GXYLT2: variants seen among roughly 807,000 people sequenced by gnomAD.
GXYLT2 encodes the protein glucoside xylosyltransferase 2, also known as glycosyltransferase 8 domain containing 4.
In GXYLT2, 53 loss-of-function variants were observed where a neutral mutation model predicts 45.8. The ratio of observed to expected loss-of-function variants is 1.16; its 90% CI spans 0.93 to 1.46. The LOEUF (loss-of-function observed/expected upper bound fraction) is 1.46. Among genes scored for constraint, GXYLT2 ranks in the 40% most tolerant of loss-of-function variants. The pLI, the probability that GXYLT2 is intolerant of heterozygous loss-of-function variation, is 0.00. For missense variants in GXYLT2, 551 were observed against 544.4 expected (o/e 1.01, Z -0.12); for synonymous variants, 219 against 214.2 (o/e 1.02, Z -0.19).
chr3:72,970,491 T>A (rs1710966857), intron 6 of GXYLT2, among the ~76,000 whole-genome samples: 1 of 149,364 alleles, frequency 6.7e-6, no homozygotes, highest in Non-Finnish European at 1.5e-5. Flanking sequence ...AAAAACAAAT[T>A]AAAAAAAAGA....
chr3:72,915,354 T>TTTTTTG (rs71126805), intron 2 of GXYLT2, among the ~76,000 whole-genome samples: 1 of 33,482 alleles, frequency 3.0e-5, no homozygotes, highest in Non-Finnish European at 5.1e-5. Flanking sequence ...TTTTTTTTTT[T>TTTTTTG]GCGGGGGGGG....
At chr3:72,914,570 T>C (rs1320596755) in intron 2 of GXYLT2, among the ~76,000 whole-genome samples, 1 of 151,936 alleles carries the variant, frequency 6.6e-6, no homozygotes, top group Non-Finnish European at 1.5e-5. Context: ...TGCGTGCGCA[T>C]GTATATGCGC....
At chr3:72,901,598 T>G (rs1470066136) in intron 1 of GXYLT2, among the ~76,000 whole-genome samples, 2 of 127,732 alleles carry the variant, frequency 1.6e-5, no homozygotes, top group Non-Finnish European at 3.2e-5. Context: ...TCTCACTCTG[T>G]CGCCCAGGCT....
intron 1 of GXYLT2, among the ~76,000 whole-genome samples, chr3:72,905,495 A>T (rs1709493866): frequency 6.6e-6 from 1 of 152,142 alleles, no homozygotes; most frequent in South Asian, 2.1e-4. Flanking sequence ...TATTCACTTT[A>T]AAAACATAGC....
chr3:72,912,893 A>C (rs1259263108), intron 2 of GXYLT2, among the ~76,000 whole-genome samples: 2 of 152,220 alleles, frequency 1.3e-5, no homozygotes. Flanking sequence ...ATTTTTTATG[A>C]GCTGTAAGAA....
chr3:72,945,023 C>A (rs1363864711), intron 3 of GXYLT2, among the ~76,000 whole-genome samples: 1 of 151,880 alleles, frequency 6.6e-6, no homozygotes, highest in African/African-American at 2.4e-5. Flanking sequence ...TCACTTAGAA[C>A]CTGTCCTTCT....
intron 3 of GXYLT2, among the ~76,000 whole-genome samples, chr3:72,925,489 A>T (rs1709902270): frequency 6.6e-6 from 1 of 152,066 alleles, no homozygotes; most frequent in Non-Finnish European, 1.5e-5. Flanking sequence ...ACAGACCTTT[A>T]TATATAATCG....
At chr3:72,953,832 A>G (rs1346405227) in intron 3 of GXYLT2, among the ~76,000 whole-genome samples, 2 of 152,140 alleles carry the variant, frequency 1.3e-5, no homozygotes, top group Admixed American at 6.6e-5. Context: ...AGTGACTCAC[A>G]CCTGTGATCC....
intron 5 of GXYLT2, among the ~76,000 whole-genome samples, chr3:72,961,648 T>C (rs1710771594): frequency 8.0e-6 from 1 of 125,544 alleles, no homozygotes; most frequent in South Asian, 3.0e-4. Context: ...TTTCCTAATT[T>C]GAATTCTTAG....
intron 3 of GXYLT2, among the ~76,000 whole-genome samples, chr3:72,935,144 T>A (rs1259465884): frequency 2.6e-5 from 4 of 152,134 alleles, no homozygotes; most frequent in Non-Finnish European, 5.9e-5. Context: ...AAGAAATTAT[T>A]ATTAGGATCC....
intron 1 of GXYLT2, among the ~76,000 whole-genome samples, chr3:72,895,462 CT>C (rs1709271520): frequency 6.6e-6 from 1 of 152,154 alleles, no homozygotes; most frequent in Non-Finnish European, 1.5e-5. Context: ...CTTTTAACAC[CT>C]TTACTAAATT....
intron 2 of GXYLT2, among the ~76,000 whole-genome samples, chr3:72,921,796 G>A (rs1470147401): frequency 1.3e-5 from 2 of 152,034 alleles, no homozygotes; most frequent in Admixed American, 1.3e-4. Flanking sequence ...CTTATTATTG[G>A]ACATTTTGAT....
At chr3:72,905,149 T>C (rs899454396) in intron 1 of GXYLT2, among the ~76,000 whole-genome samples, 6 of 149,862 alleles carry the variant, frequency 4.0e-5, no homozygotes, top group Non-Finnish European at 8.9e-5. Context: ...AGACAGAGTC[T>C]CACTCTCACC....
At chr3:72,950,660 C>G (rs1401814146) in intron 3 of GXYLT2, among the ~76,000 whole-genome samples, 1 of 151,786 alleles carries the variant, frequency 6.6e-6, no homozygotes, top group East Asian at 1.9e-4. Context: ...AGAGCTTGTT[C>G]AAGATCACAT....
At chr3:72,933,796 G>C (rs906627481) in intron 3 of GXYLT2, among the ~76,000 whole-genome samples, 1 of 152,128 alleles carries the variant, frequency 6.6e-6, no homozygotes, top group South Asian at 2.1e-4. Flanking sequence ...AGCAGCCTGG[G>C]GGGGCCGAGC....
chr3:72,965,055 C>T (rs1710838501), intron 5 of GXYLT2, among the ~76,000 whole-genome samples: 1 of 152,152 alleles, frequency 6.6e-6, no homozygotes, highest in Non-Finnish European at 1.5e-5. Context: ...TATAGGGTGA[C>T]TTGAGGATGG....
chr3:72,915,503 G>A (rs1254024046), intron 2 of GXYLT2, among the ~76,000 whole-genome samples: 2 of 151,970 alleles, frequency 1.3e-5, no homozygotes, highest in African/African-American at 4.8e-5. Context: ...GGAGGTCTCA[G>A]GCAGCTGGTT....
intron 3 of GXYLT2, chr3:72,929,565 C>T (rs1002714411): frequency 4.4e-6 from 5 of 1,135,856 alleles, no homozygotes; most frequent in Non-Finnish European, 6.6e-6. Context: ...CTTTGACAAG[C>T]ACACGCTGGG....
At chr3:72,927,557 ATAT>A (rs1391846353) in intron 3 of GXYLT2, among the ~76,000 whole-genome samples, 2 of 152,204 alleles carry the variant, frequency 1.3e-5, no homozygotes, top group Admixed American at 1.3e-4. Flanking sequence ...TCAGACCTCT[ATAT>A]TATTATTAAT....
Sources: allele counts gnomAD v4.1 joint callset (sites outside exome capture counted in the v4.1 genomes callset), GRCh38; gene constraint gnomAD v4.1.1; transcripts MANE v1.5; gene names NCBI Gene and HGNC (gene_info 2026-07-23, HGNC 2026-07-21).